TMEM276: variants seen among roughly 807,000 people sequenced by gnomAD.
TMEM276 encodes transmembrane protein 276.
At chr8:144,466,493 C>T in the TMEM276 span, 2 of 1,314,214 alleles carry the variant, frequency 1.5e-6, no homozygotes, top group Non-Finnish European at 2.0e-6. Flanking sequence ...GCCGCGGCGG[C>T]CGCGGAGCCC....
the TMEM276 span, chr8:144,466,850 C>G: frequency 6.5e-7 from 1 of 1,536,640 alleles, no homozygotes; most frequent in Non-Finnish European, 8.7e-7. Flanking sequence ...TAGGTGCGGG[C>G]TGGGAGTCCC....
chr8:144,466,924 C>T, the TMEM276 span: 5 of 1,575,740 alleles, frequency 3.2e-6, no homozygotes, highest in Non-Finnish European at 4.3e-6. Flanking sequence ...AGCACGTGAC[C>T]CGAAATGTCT....
At chr8:144,464,188 A>G in the TMEM276 span, 1 of 1,613,148 alleles carries the variant, frequency 6.2e-7, no homozygotes, top group Non-Finnish European at 8.5e-7. Flanking sequence ...GCCTACAGCC[A>G]AGGCCCAGCG....
the TMEM276 span, chr8:144,464,680 G>GCA: frequency 6.4e-7 from 1 of 1,574,494 alleles, no homozygotes; most frequent in African/African-American, 1.4e-5. Flanking sequence ...AACAGGAAAG[G>GCA]GTTTGGGGCT....
chr8:144,466,983 C>A, the TMEM276 span: 1 of 1,596,276 alleles, frequency 6.3e-7, no homozygotes, highest in South Asian at 1.1e-5. Context: ...GAGGATGGGT[C>A]GGAAGGCGCA....
chr8:144,465,883 G>A, the TMEM276 span, among the ~76,000 whole-genome samples: 1 of 132,720 alleles, frequency 7.5e-6, no homozygotes, highest in Non-Finnish European at 1.6e-5. Flanking sequence ...TGGCTGCGAG[G>A]GGCGGGGCCT....
chr8:144,464,475 G>T, the TMEM276 span: 1 of 1,612,248 alleles, frequency 6.2e-7, no homozygotes, highest in Non-Finnish European at 8.5e-7. Context: ...GGAAATCGAA[G>T]GCCAGAAGGG....
At chr8:144,466,743 C>T in the TMEM276 span, 33 of 1,519,426 alleles carry the variant, frequency 2.2e-5, no homozygotes, top group East Asian at 5.0e-5. Flanking sequence ...TCAGGGGCGC[C>T]CCTGCCCCCT....
the TMEM276 span, chr8:144,466,648 C>G: frequency 9.7e-7 from 1 of 1,028,342 alleles, no homozygotes; most frequent in Admixed American, 3.8e-5. Flanking sequence ...CGGCTCGGCC[C>G]CGATGCTGGA....
At chr8:144,465,030 C>T in the TMEM276 span, 3 of 1,535,728 alleles carry the variant, frequency 2.0e-6, no homozygotes, top group Middle Eastern at 1.7e-4. Flanking sequence ...GTTCCAGGTC[C>T]CCATTACTGG....
At chr8:144,464,883 C>T in the TMEM276 span, 1 of 1,612,176 alleles carries the variant, frequency 6.2e-7, no homozygotes, top group South Asian at 1.1e-5. Flanking sequence ...CTCCACTCGG[C>T]CCCCGGCTTG....
the TMEM276 span, chr8:144,465,325 C>CA: frequency 8.9e-6 from 8 of 896,834 alleles, no homozygotes; most frequent in South Asian, 1.7e-4. Context: ...CGGCGCAGGA[C>CA]TCCGGGAGGC....
chr8:144,466,341 C>A, the TMEM276 span: 2 of 478,312 alleles, frequency 4.2e-6, no homozygotes, highest in Non-Finnish European at 6.0e-6. Context: ...CGCACCGGCA[C>A]TGCGGCGGGC....
chr8:144,465,012 A>C, the TMEM276 span: 17 of 1,540,196 alleles, frequency 1.1e-5, no homozygotes, highest in South Asian at 2.0e-4. Context: ...GCACTCTAGT[A>C]AGCCCAGGTT....
At chr8:144,466,540 G>T in the TMEM276 span, 1 of 1,170,488 alleles carries the variant, frequency 8.5e-7, no homozygotes. Flanking sequence ...TGGCCGTGCA[G>T]CCCGTCGTCT....
At chr8:144,466,664 A>T in the TMEM276 span, 2 of 1,102,982 alleles carry the variant, frequency 1.8e-6, no homozygotes, top group Non-Finnish European at 1.2e-6. Flanking sequence ...CTGGAAGCGT[A>T]GACTTCGGCC....
the TMEM276 span, chr8:144,465,573 G>T: frequency 3.5e-5 from 7 of 199,642 alleles, no homozygotes; most frequent in East Asian, 1.9e-4. Context: ...GTCGAGACCT[G>T]GGGGGGGCCG....
At chr8:144,465,516 C>G in the TMEM276 span, 3 of 686,686 alleles carry the variant, frequency 4.4e-6, no homozygotes, top group Non-Finnish European at 5.1e-6. Flanking sequence ...AGCGGCCGGG[C>G]GGGGCTAGAG....
At chr8:144,464,761 GT>G in the TMEM276 span, 15 of 1,608,148 alleles carry the variant, frequency 9.3e-6, no homozygotes, top group Non-Finnish European at 1.3e-5. Flanking sequence ...GGTCCTTGGG[GT>G]TTGGGAGGTA....
Sources: gnomAD v4.1 joint callset for allele counts (sites outside exome capture counted in the v4.1 genomes callset) on GRCh38, gnomAD v4.1.1 for gene constraint, MANE v1.5 for transcripts, NCBI Gene and HGNC (gene_info 2026-07-23, HGNC 2026-07-21) for gene names.